KIF1A: variants seen among roughly 807,000 people sequenced by gnomAD.
KIF1A encodes the protein kinesin family member 1A.
KIF1A carries 46 observed loss-of-function variants against 227.3 expected under a neutral mutation model. The ratio of observed to expected loss-of-function variants is 0.20; its 90% CI spans 0.16 to 0.26. The LOEUF (loss-of-function observed/expected upper bound fraction) is 0.26. Ranked by LOEUF, KIF1A falls within the 10% of genes least tolerant of loss-of-function variation. The pLI, the probability that KIF1A is intolerant of heterozygous loss-of-function variation, is 1.00. For missense variants in KIF1A, 1,683 were observed against 2,485.9 expected (o/e 0.68, Z 6.87); for synonymous variants, 1,022 against 1,012.8 (o/e 1.01, Z -0.17).
chr2:240,724,981 A>C, intron 40 of KIF1A: 2 of 143,170 alleles, frequency 1.4e-5, no homozygotes, highest in Non-Finnish European at 2.6e-5. Context: ...CACCCACAGG[A>C]GGCCCCAGGT....
At chr2:240,727,785 C>G (rs1323888040) in intron 38 of KIF1A, among the ~76,000 whole-genome samples, 1 of 152,222 alleles carries the variant, frequency 6.6e-6, no homozygotes, top group African/African-American at 2.4e-5. Flanking sequence ...TCCGCAAACA[C>G]CTTGGGTGCC....
rs1386093845 is a variant in KIF1A, at chr2:240,781,270, CACACACACACACAGCT to C, written c.882+1304_882+1319del. Reference sequence around the variant, plus strand: ...AGCTCCACACACACACACAGCTCCACACACACACACACAGCTACACACACACACAGCTCCACACACA... The same window carrying C: ...AGCTCCACACACACACACAGCTCCACACACACACACACAGCTCCACACACA... On this transcript the variant is annotated intron_variant, in intron 10 of 48. Coordinates refer to ENST00000498729, the MANE Select transcript of KIF1A (RefSeq NM_001244008.2). 1.7e-4 allele frequency among the ~76,000 whole-genome samples: 5 copies of C among 28,614 alleles called. 1 individual carries two copies. Among genetic ancestry groups the C allele is most frequent in the East Asian group, 2.4e-3 (2 of 822 alleles). 18.8% of individuals were successfully genotyped at this position (28,614 alleles called of 152,430 possible). A position where few individuals can be genotyped will look rare whatever the true frequency, so the allele number is the denominator to read the frequency against.
chr2:240,719,412 C>T (rs1482848773), intron 46 of KIF1A, among the ~76,000 whole-genome samples: 1 of 152,208 alleles, frequency 6.6e-6, no homozygotes, highest in African/African-American at 2.4e-5. Flanking sequence ...AGTTTCCCCA[C>T]CATAAAATGG....
Position 240,793,363 on chromosome 2 carries a change from G to C in KIF1A, c.107-4051C>G, listed in dbSNP as rs1226135227. Among the ~76,000 whole-genome samples the C allele has an allele frequency of 6.6e-6, 1 of 152,210 alleles. No homozygotes were observed. The highest frequency in any genetic ancestry group is 2.4e-5 in the African/African-American group (1 of 41,456). On this transcript the variant is annotated intron_variant, in intron 2 of 48. Transcript: ENST00000498729. The surrounding 1 kb of genome is among the most constrained non-coding windows in gnomAD (Gnocchi z 4.8). ...CAGGTGGGGAAACTGAGGCCCAAAG[G>C]GATGCCCTCTAGCCAGTGTCACACA...
In KIF1A at chr2:240,748,579, G is replaced by T; in HGVS notation, c.2978-1258C>A. The T allele has an allele frequency of 2.0e-5, 4 of 199,216 alleles. No homozygotes were observed. The South Asian group carries it at 2.7e-4, about 13-fold the overall frequency. The allele number at this position is 199,216 out of a possible 1,614,324, so 12.3% of individuals were successfully genotyped here. On this transcript the variant is annotated intron_variant, in intron 28 of 48. Transcript: ENST00000498729. ...GGCAGGATTGGGAGGACCTGGTGAG[G>T]TGGGGGTGGCACCTCCTGGAGGGGA... is the stretch of plus-strand genomic sequence containing the variant.
chr2:240,753,803 T>C (rs1047232014), intron 27 of KIF1A, among the ~76,000 whole-genome samples: 2 of 152,170 alleles, frequency 1.3e-5, no homozygotes, highest in Non-Finnish European at 2.9e-5. Context: ...ATGGTACTTA[T>C]ACCTCATCGC....
At chr2:240,809,409 G>T (rs2057688012) in intron 1 of KIF1A, among the ~76,000 whole-genome samples, 1 of 152,220 alleles carries the variant, frequency 6.6e-6, no homozygotes, top group African/African-American at 2.4e-5. Flanking sequence ...GAGTGCAACA[G>T]AAGGGACCCC....
Position 240,789,136 on chromosome 2 carries a change from TAG to T in KIF1A, c.183+98_183+99del. 2.1e-6 allele frequency: 2 copies of T among 957,634 alleles called. No homozygotes were observed. Among genetic ancestry groups the T allele is most frequent in the South Asian group, 2.7e-5 (2 of 72,744 alleles). 59.3% of individuals were successfully genotyped at this position (957,634 alleles called of 1,614,324 possible). On this transcript the variant is annotated intron_variant, in intron 3 of 48. Transcript: ENST00000498729. This position sits in a 1 kb window ranked among gnomAD's most constrained non-coding sequence, Gnocchi z 4.8. Reference sequence around the variant, plus strand: ...AGCAGGGTGGGGTCCTCGCCCCAGTTAGAGAGGAATGAGCGGCTCAGAGAAGT... The same window carrying T: ...AGCAGGGTGGGGTCCTCGCCCCAGTTAGAGGAATGAGCGGCTCAGAGAAGT...
At position 240,760,636 on chromosome 2, in the gene KIF1A, C is replaced by T. The variant is rs1028494822; in HGVS notation, c.2444+29G>A. ...AGCCCTGCCCAGGAGGACCCTCCCACCATCCACCCAGCGGCCCTCCAGCCC... is the reference window on the plus strand; with the variant it reads ...AGCCCTGCCCAGGAGGACCCTCCCATCATCCACCCAGCGGCCCTCCAGCCC... On this transcript the variant is annotated intron_variant, in intron 25 of 48. Transcript: ENST00000498729. 18 of 1,432,952 alleles carry T rather than the reference C, an allele frequency of 1.3e-5. No individual in the cohort carries two copies. The Admixed American group carries it at 2.0e-4, about 16-fold the overall frequency. The allele number at this position is 1,432,952 out of a possible 1,614,324, so 88.8% of individuals were successfully genotyped here.
At chr2:240,722,404 G>C (rs1690983312) in intron 43 of KIF1A, 52 bp downstream of exon 43, 1 of 1,508,264 alleles carries the variant, frequency 6.6e-7, no homozygotes, top group South Asian at 1.2e-5. Context: ...AAATGACTCA[G>C]GGCCCTTGAG....
In KIF1A at chr2:240,792,665, C is replaced by T. The variant is rs1003383780; in HGVS notation, c.107-3353G>A. The stretch of plus-strand genomic sequence containing the variant: ...GCCGAGCTGAGCTGGCTCTTCCCAA[C>T]GGAGCCTGCTGTGGGCCGAGCGTGT... On this transcript the variant is annotated intron_variant, in intron 2 of 48. Coordinates refer to ENST00000498729, the MANE Select transcript of KIF1A (RefSeq NM_001244008.2). This position sits in a 1 kb window ranked among gnomAD's most constrained non-coding sequence, Gnocchi z 4.5. 6.6e-6 allele frequency among the ~76,000 whole-genome samples: 1 copy of T among 152,180 alleles called. No homozygotes were observed. The highest frequency in any genetic ancestry group is 1.5e-5 in the Non-Finnish European group (1 of 68,024).
intron 1 of KIF1A, among the ~76,000 whole-genome samples, chr2:240,807,238 C>T (rs940047389): frequency 4.6e-5 from 7 of 151,740 alleles, no homozygotes; most frequent in African/African-American, 1.2e-4. Flanking sequence ...CTCTGCCTCC[C>T]GGGTTCAAGC....
chr2:240,785,907 G>A (rs2054680703), intron 6 of KIF1A, among the ~76,000 whole-genome samples: 1 of 152,138 alleles, frequency 6.6e-6, no homozygotes, highest in African/African-American at 2.4e-5. Context: ...GGAGGCCCAG[G>A]GCAGCAGAGG....
At position 240,757,499 on chromosome 2, in the gene KIF1A, G is replaced by A. The variant is rs748618074; in HGVS notation, c.2678C>T (p.Pro893Leu). The change falls in exon 27 of 49, where the codon CCC becomes CTC. Residue 893 changes from proline (P) to leucine (L), a missense_variant. Physicochemically the swap from Pro to Leu is moderately conservative, Grantham distance 98. This residue lies in a region of KIF1A where 759 missense variants were observed against 1,020.2 expected (regional missense o/e 0.74). Transcript: ENST00000498729. The surrounding 1 kb of genome is among the most constrained non-coding windows in gnomAD (Gnocchi z 6.2). ...GGCAGGCTCGGTGGCGTCGGAGTCG[G>A]GGCTCGAGAAGGTGGGGGAGGGGGT... ...ALTPSPTFSS[P>L]DSDATEPAEE... The A allele has an allele frequency of 4.1e-5, 63 of 1,550,370 alleles. No homozygotes were observed. The highest frequency in any genetic ancestry group is 8.7e-6 in the Non-Finnish European group (10 of 1,146,994).
intron 45 of KIF1A, chr2:240,720,221 C>G: frequency 3.3e-6 from 1 of 307,362 alleles, no homozygotes; most frequent in Non-Finnish European, 6.0e-6. Flanking sequence ...TCTCCTGCCC[C>G]CACCTCCACC....
At position 240,781,479 on chromosome 2, in the gene KIF1A, A is replaced by AGCTC. The variant is rs1353302198; in HGVS notation, c.882+1110_882+1111insGAGC. 3.0e-5 allele frequency among the ~76,000 whole-genome samples: 4 copies of AGCTC among 134,612 alleles called. 1 individual carries two copies. Among genetic ancestry groups the AGCTC allele is most frequent in the African/African-American group, 1.1e-4 (4 of 34,826 alleles). 88.3% of individuals were successfully genotyped at this position (134,612 alleles called of 152,430 possible). On this transcript the variant is annotated intron_variant, in intron 10 of 48. Coordinates refer to ENST00000498729, the MANE Select transcript of KIF1A (RefSeq NM_001244008.2). ...CACACAGCTCCACACACACACACACACACACACAGCTCCACACACAGCTCC... is the reference window on the plus strand; with the variant it reads ...CACACAGCTCCACACACACACACACAGCTCCACACACAGCTCCACACACAGCTCC...
At position 240,766,743 on chromosome 2, in the gene KIF1A, T is replaced by A. The variant is rs536667411; in HGVS notation, c.1684+172A>T. 0.038 allele frequency among the ~76,000 whole-genome samples: 4,766 copies of A among 124,710 alleles called. 122 individuals carry two copies. The highest frequency in any genetic ancestry group is 0.058 in the Non-Finnish European group (3,484 of 60,302). The allele number at this position is 124,710 out of a possible 152,430, so 81.8% of individuals were successfully genotyped here. A position where few individuals can be genotyped will look rare whatever the true frequency, so the allele number is the denominator to read the frequency against. The stretch of plus-strand genomic sequence containing the variant: ...CCAAATCTCTCTCTCTCTCTCTCTC[T>A]CTCTCTCACACACACACACACACAC... On this transcript the variant is annotated intron_variant, in intron 19 of 48. Coordinates refer to ENST00000498729, the MANE Select transcript of KIF1A (RefSeq NM_001244008.2). This position sits in a 1 kb window ranked among gnomAD's most constrained non-coding sequence, Gnocchi z 5.0.
rs1413528716 is a variant in KIF1A at position 240,793,655 on chromosome 2, A to C, written c.106+3992T>G. Among the ~76,000 whole-genome samples the C allele has an allele frequency of 1.3e-5, 2 of 152,244 alleles. No individual in the cohort carries two copies. The highest frequency in any genetic ancestry group is 2.9e-5 in the Non-Finnish European group (2 of 68,044). ...CCGAAGTGCACCTAATGGACAGCTCAGCTGGCTCACAAAACTGCTAGGTCT... is the reference window on the plus strand; with the variant it reads ...CCGAAGTGCACCTAATGGACAGCTCCGCTGGCTCACAAAACTGCTAGGTCT... On this transcript the variant is annotated intron_variant, in intron 2 of 48. Coordinates refer to ENST00000498729, the MANE Select transcript of KIF1A (RefSeq NM_001244008.2). This position sits in a 1 kb window ranked among gnomAD's most constrained non-coding sequence, Gnocchi z 4.8.
chr2:240,810,191 A>G (rs2057753287), intron 1 of KIF1A, among the ~76,000 whole-genome samples: 1 of 152,214 alleles, frequency 6.6e-6, no homozygotes, highest in Non-Finnish European at 1.5e-5. Context: ...CGGTGACGAG[A>G]ACCCCACCCA....
Sources: gnomAD v4.1 joint callset for allele counts (sites outside exome capture counted in the v4.1 genomes callset) on GRCh38, gnomAD v4.1.1 for gene constraint, gnomAD v4.1.1 regional missense constraint, Gnocchi (gnomAD v3.1) non-coding constraint, MANE v1.5 for transcripts, NCBI Gene and HGNC (gene_info 2026-07-23, HGNC 2026-07-21) for gene names.